Variants in ZNF469 observed in about 807,000 individuals in gnomAD.
ZNF469 encodes the protein zinc finger protein 469.
In ZNF469, 1 loss-of-function variant was observed where a neutral mutation model predicts 1.0. That is an observed-to-expected ratio of 1.00 (90% CI 0.35 to 4.73). The LOEUF (loss-of-function observed/expected upper bound fraction) is 4.73. Ranked by LOEUF, ZNF469 falls within the 30% of genes most tolerant of loss-of-function variation. The pLI is 0.16. For missense variants in ZNF469, 6,100 were observed against 5,356.3 expected, an observed-to-expected ratio of 1.14 and a Z score of -4.33; for synonymous variants, 2,703 against 2,363.4, an observed-to-expected ratio of 1.14 and a Z score of -4.17.
At chr16:88,379,676 G>C (rs920436008), upstream of ZNF469, among the ~76,000 whole-genome samples, 10 of 152,190 alleles carry the variant, frequency 6.6e-5, no homozygotes, top group Admixed American at 6.5e-5. Flanking sequence ...CTAGATGCCA[G>C]AGGTAGCTCC....
At chr16:88,391,604 CTG>C (rs1294838087) in intron 1 of ZNF469, among the ~76,000 whole-genome samples, 3 of 152,248 alleles carry the variant, frequency 2.0e-5, no homozygotes, top group Non-Finnish European at 4.4e-5. Flanking sequence ...AGCCTCTGAC[CTG>C]TGTAGGTGGG....
the ZNF469 span, among the ~76,000 whole-genome samples, chr16:88,292,469 C>T: frequency 6.6e-6 from 1 of 152,172 alleles, no homozygotes; most frequent in South Asian, 2.1e-4. Context: ...ACCAGGGCCC[C>T]AGTGGGGTCC....
chr16:88,435,302 A>G lies in ZNF469; in HGVS notation c.7832A>G (p.Glu2611Gly). The G allele has an allele frequency of 6.5e-7, 1 of 1,550,328 alleles. No homozygotes were observed. Among genetic ancestry groups the G allele is most frequent in the Non-Finnish European group, 8.7e-7 (1 of 1,146,976 alleles). The part of the protein sequence containing the change: ...ELHPKQAEKR[E>G]GRRWRREPTV... ...CATCCCAAACAGGCAGAAAAAAGAG[A>G]AGGCCGGAGGTGGCGCCGAGAGCCC... is the stretch of plus-strand genomic sequence containing the variant. The change falls in exon 3 of 3, where the codon GAA (glutamate) becomes GGA (glycine). Residue 2611 changes from glutamate (E) to glycine (G), a missense_variant. Glu to Gly is a moderately conservative substitution (Grantham distance 98, BLOSUM62 -2). Transcript: ENST00000565624.
At chr16:88,103,529 C>T in the ZNF469 span, among the ~76,000 whole-genome samples, 2 of 152,202 alleles carry the variant, frequency 1.3e-5, no homozygotes, top group Admixed American at 6.5e-5. Flanking sequence ...GGGGGCCTGC[C>T]CTCCTTGTCC....
the ZNF469 span, among the ~76,000 whole-genome samples, chr16:88,319,082 A>T: frequency 6.6e-6 from 1 of 152,212 alleles, no homozygotes; most frequent in Admixed American, 6.5e-5. Context: ...CTGGGGCAGG[A>T]TGGGACTCTG....
chr16:88,374,517 A>T, the ZNF469 span, among the ~76,000 whole-genome samples: 1 of 152,220 alleles, frequency 6.6e-6, no homozygotes. Context: ...TCTAGAACTG[A>T]GTGAATATTC....
chr16:88,325,203 C>CCT, the ZNF469 span, among the ~76,000 whole-genome samples: 806 of 111,324 alleles, frequency 7.2e-3, 25 homozygotes, highest in African/African-American at 0.03. Flanking sequence ...TCCAGGTGGT[C>CCT]GCGACAGCAG....
At chr16:88,199,913 G>T in the ZNF469 span, among the ~76,000 whole-genome samples, 2 of 152,202 alleles carry the variant, frequency 1.3e-5, no homozygotes, top group African/African-American at 4.8e-5. Context: ...AGGTGAGGCC[G>T]GACTGCATGT....
chr16:88,270,339 G>A, the ZNF469 span, among the ~76,000 whole-genome samples: 1 of 152,340 alleles, frequency 6.6e-6, no homozygotes, highest in South Asian at 2.1e-4. Context: ...TCACAAACCA[G>A]CTGGGCCTTT....
chr16:88,194,708 A>C, the ZNF469 span: 1 of 152,258 alleles, frequency 6.6e-6, no homozygotes, highest in Non-Finnish European at 1.5e-5. Context: ...GTTTGTCAAC[A>C]TGTCAATTGA....
At chr16:88,275,871 C>T in the ZNF469 span, among the ~76,000 whole-genome samples, 1 of 152,170 alleles carries the variant, frequency 6.6e-6, no homozygotes, top group East Asian at 1.9e-4. Flanking sequence ...GGTGTCTCCC[C>T]AGCCCCTGGC....
At chr16:88,212,685 A>G in the ZNF469 span, among the ~76,000 whole-genome samples, 2 of 152,094 alleles carry the variant, frequency 1.3e-5, no homozygotes, top group Admixed American at 6.5e-5. Context: ...GGCTCAAGCA[A>G]TCCTCCCACC....
the ZNF469 span, among the ~76,000 whole-genome samples, chr16:88,143,613 C>A: frequency 6.6e-6 from 1 of 152,234 alleles, no homozygotes; most frequent in Non-Finnish European, 1.5e-5. Context: ...AGGCCCAGGG[C>A]TGACATGTGT....
the ZNF469 span, among the ~76,000 whole-genome samples, chr16:88,362,580 T>A: frequency 6.6e-6 from 1 of 152,240 alleles, no homozygotes; most frequent in Non-Finnish European, 1.5e-5. Context: ...TCTACTGTCT[T>A]CTGACTTCTG....
chr16:88,421,720 A>G (rs1905464139), intron 1 of ZNF469, among the ~76,000 whole-genome samples: 1 of 152,204 alleles, frequency 6.6e-6, no homozygotes, highest in African/African-American at 2.4e-5. Flanking sequence ...GGGTGGGGCC[A>G]CCCTTTGTTC....
At chr16:88,349,412 A>C in the ZNF469 span, among the ~76,000 whole-genome samples, 2 of 151,388 alleles carry the variant, frequency 1.3e-5, no homozygotes, top group African/African-American at 4.9e-5. Context: ...GGCACCACAC[A>C]CACCACACCC....
chr16:88,275,213 C>G, the ZNF469 span, among the ~76,000 whole-genome samples: 1 of 152,174 alleles, frequency 6.6e-6, no homozygotes, highest in African/African-American at 2.4e-5. Flanking sequence ...GCTGACAGTC[C>G]GAACGATCCT....
At chr16:88,270,525 A>G in the ZNF469 span, among the ~76,000 whole-genome samples, 1 of 152,186 alleles carries the variant, frequency 6.6e-6, no homozygotes, top group African/African-American at 2.4e-5. Context: ...CTCCCTGGGC[A>G]TTTGTGTGCA....
the ZNF469 span, among the ~76,000 whole-genome samples, chr16:88,274,226 G>A: frequency 4.6e-5 from 7 of 152,292 alleles, 1 homozygote; most frequent in South Asian, 1.5e-3. Context: ...AATACCCATG[G>A]TGTGAGGTCC....
Sources: allele counts gnomAD v4.1 joint callset (sites outside exome capture counted in the v4.1 genomes callset), GRCh38; gene constraint gnomAD v4.1.1; transcripts MANE v1.5; gene names NCBI Gene and HGNC (gene_info 2026-07-23, HGNC 2026-07-21).